The following ACTR3C variants were observed in gnomAD, a reference collection of about 807,000 sequenced individuals.
ACTR3C encodes the protein actin related protein 3C, also known as actin-related protein 3C.
Under a neutral mutation model 26.3 loss-of-function variants are expected in ACTR3C, and 18 were observed. That is an observed-to-expected ratio of 0.68 (90% CI 0.47 to 1.01). The LOEUF (loss-of-function observed/expected upper bound fraction) is 1.01. ACTR3C is among the 50% of genes least tolerant of loss of function. The pLI is 0.00. For missense variants in ACTR3C, 184 were observed against 250.7 expected (o/e 0.73, Z 1.80); for synonymous variants, 55 against 94.5 (o/e 0.58, Z 2.42).
At chr7:149,985,207 A>AACACACACACAC in the ACTR3C span, among the ~76,000 whole-genome samples, 696 of 130,830 alleles carry the variant, frequency 5.3e-3, 5 homozygotes, top group East Asian at 8.6e-3. Context: ...CAAACAAAGC[A>AACACACACACAC]ACACACACAC....
chr7:150,249,672 C>G (rs1832698914), intron 6 of ACTR3C, among the ~76,000 whole-genome samples: 1 of 152,192 alleles, frequency 6.6e-6, no homozygotes, highest in Admixed American at 6.5e-5. Flanking sequence ...CCAGGCTCGT[C>G]TCGAACTCCT....
At chr7:149,952,131 A>G in the ACTR3C span, among the ~76,000 whole-genome samples, 1 of 150,456 alleles carries the variant, frequency 6.6e-6, no homozygotes, top group East Asian at 1.9e-4. Context: ...TTAGGGCCCC[A>G]TCCTTATGAC....
At chr7:149,918,074 C>G in the ACTR3C span, among the ~76,000 whole-genome samples, 58 of 151,996 alleles carry the variant, frequency 3.8e-4, no homozygotes, top group African/African-American at 1.4e-3. Context: ...CTCTATAGAA[C>G]GAAGAATTCA....
At chr7:150,132,436 G>A in the ACTR3C span, among the ~76,000 whole-genome samples, 5 of 152,094 alleles carry the variant, frequency 3.3e-5, no homozygotes, top group African/African-American at 4.8e-5. Flanking sequence ...ATTAAAAAGT[G>A]GACAAAGAAT....
the ACTR3C span, among the ~76,000 whole-genome samples, chr7:149,983,293 C>T: frequency 6.6e-6 from 1 of 151,124 alleles, no homozygotes; most frequent in Non-Finnish European, 1.5e-5. Context: ...AGAAAACATA[C>T]AAATGGCCAA....
the ACTR3C span, among the ~76,000 whole-genome samples, chr7:150,063,296 C>T: frequency 6.6e-6 from 1 of 151,218 alleles, no homozygotes; most frequent in Admixed American, 6.6e-5. Context: ...CTGAAAAATA[C>T]ATGTGACTGC....
At chr7:150,037,803 C>G in the ACTR3C span, among the ~76,000 whole-genome samples, 4,236 of 28,098 alleles carry the variant, frequency 0.15, 780 homozygotes, top group African/African-American at 0.33. Flanking sequence ...CCAGAGCCAG[C>G]GGGGGAAGAG....
intron 6 of ACTR3C, among the ~76,000 whole-genome samples, chr7:150,253,927 A>G (rs1833029391): frequency 6.6e-6 from 1 of 150,614 alleles, no homozygotes; most frequent in South Asian, 2.1e-4. Flanking sequence ...TTTTTCCCCC[A>G]GCATTTTCAC....
the ACTR3C span, among the ~76,000 whole-genome samples, chr7:149,964,612 A>G: frequency 7.6e-4 from 116 of 152,312 alleles, no homozygotes; most frequent in African/African-American, 2.7e-3. Context: ...TGAATTGCAT[A>G]TTGGGTCTTA....
chr7:150,201,145 T>C, the ACTR3C span, among the ~76,000 whole-genome samples: 1 of 152,240 alleles, frequency 6.6e-6, no homozygotes, highest in African/African-American at 2.4e-5. Flanking sequence ...CAGTGAGCCT[T>C]CTATTTCAGA....
chr7:150,020,367 C>T, the ACTR3C span, among the ~76,000 whole-genome samples: 1 of 152,068 alleles, frequency 6.6e-6, no homozygotes, highest in Non-Finnish European at 1.5e-5. Flanking sequence ...TCTGACACTG[C>T]CCCCAGGATC....
At chr7:150,168,559 G>A in the ACTR3C span, among the ~76,000 whole-genome samples, 1 of 150,844 alleles carries the variant, frequency 6.6e-6, no homozygotes, top group South Asian at 2.1e-4. Context: ...CACAGTAAGT[G>A]TAATGCACTT....
At chr7:150,123,955 T>G in the ACTR3C span, among the ~76,000 whole-genome samples, 1 of 152,156 alleles carries the variant, frequency 6.6e-6, no homozygotes, top group Non-Finnish European at 1.5e-5. Context: ...AGGGGCCCAG[T>G]GGCAGCCCCG....
At chr7:150,259,243 C>T (rs912570607) in intron 6 of ACTR3C, among the ~76,000 whole-genome samples, 19 of 76,122 alleles carry the variant, frequency 2.5e-4, no homozygotes, top group African/African-American at 9.8e-4. Flanking sequence ...AAAGAAAAGA[C>T]AGAAAGAAAA....
intron 1 of ACTR3C, among the ~76,000 whole-genome samples, chr7:150,301,747 G>A (rs1016935231): frequency 6.6e-6 from 1 of 150,956 alleles, no homozygotes; most frequent in African/African-American, 2.5e-5. Context: ...GCATGAAGAC[G>A]CTAAGTGAAG....
chr7:149,911,074 G>T, the ACTR3C span, among the ~76,000 whole-genome samples: 1 of 151,988 alleles, frequency 6.6e-6, no homozygotes, highest in Non-Finnish European at 1.5e-5. Context: ...CCACTCCGGG[G>T]TTCCACCTAC....
the ACTR3C span, among the ~76,000 whole-genome samples, chr7:149,972,847 T>C: frequency 6.6e-6 from 1 of 151,580 alleles, no homozygotes; most frequent in Admixed American, 6.6e-5. Flanking sequence ...CAGGTAATCA[T>C]AGTGAGTGGG....
chr7:150,258,735 A>C (rs2530977), intron 6 of ACTR3C, among the ~76,000 whole-genome samples: 54 of 147,576 alleles, frequency 3.7e-4, no homozygotes, highest in African/African-American at 1.2e-3. Flanking sequence ...GGAGAGACAG[A>C]AAAGACTTGT....
chr7:150,193,408 C>CTTTTTTTTTTTTTTTTTTTTT, the ACTR3C span, among the ~76,000 whole-genome samples: 2 of 133,472 alleles, frequency 1.5e-5, no homozygotes, highest in East Asian at 2.2e-4. Flanking sequence ...TTTTTATTTT[C>CTTTTTTTTTTTTTTTTTTTTT]TTTTTTTTTT....
Sources: gnomAD v4.1 joint callset for allele counts (sites outside exome capture counted in the v4.1 genomes callset) on GRCh38, gnomAD v4.1.1 for gene constraint, MANE v1.5 for transcripts, NCBI Gene and HGNC (gene_info 2026-07-23, HGNC 2026-07-21) for gene names.